The following GRAP2 variants were observed in gnomAD, a reference collection of about 807,000 sequenced individuals.
The protein encoded by GRAP2 is GRB2 related adaptor protein 2, also known as GRB2-related adapter protein 2.
GRAP2 carries 31 observed loss-of-function variants against 43.5 expected under a neutral mutation model. That is an observed-to-expected ratio of 0.71 (90% confidence interval 0.54 to 0.96). The LOEUF (loss-of-function observed/expected upper bound fraction) is 0.96. GRAP2 is among the 40% of genes least tolerant of loss of function. The pLI, the probability that GRAP2 is intolerant of heterozygous loss-of-function variation, is 0.00. For synonymous variants in GRAP2, 156 were observed against 164.8 expected (o/e 0.95, Z 0.41); for missense variants, 371 against 424.4 (o/e 0.87, Z 1.11).
chr22:39,939,508 G>A (rs1316717356), intron 1 of GRAP2, among the ~76,000 whole-genome samples: 1 of 150,374 alleles, frequency 6.7e-6, no homozygotes, highest in Non-Finnish European at 1.5e-5. Context: ...CTTGCAGTGA[G>A]TGGAGATCTT....
intron 2 of GRAP2, among the ~76,000 whole-genome samples, chr22:39,950,841 G>T (rs1355789726): frequency 1.3e-5 from 2 of 152,322 alleles, no homozygotes; most frequent in East Asian, 1.9e-4. Flanking sequence ...ACATGTGATT[G>T]CAATGTCTGC....
At chr22:39,966,347 C>T (rs903949964) in intron 5 of GRAP2, among the ~76,000 whole-genome samples, 189 bp downstream of exon 5, 1 of 152,226 alleles carries the variant, frequency 6.6e-6, no homozygotes. Context: ...TTCTCTGCGC[C>T]TCAGTTTCCT....
chr22:39,952,518 T>C (rs1191807771), intron 2 of GRAP2, among the ~76,000 whole-genome samples: 1 of 152,172 alleles, frequency 6.6e-6, no homozygotes, highest in Non-Finnish European at 1.5e-5. Context: ...TACGAGGCGC[T>C]GCTGCTGGGT....
chr22:39,964,017 A>G (rs1250534568), intron 4 of GRAP2: 2 of 184,994 alleles, frequency 1.1e-5, no homozygotes, highest in Non-Finnish European at 2.3e-5. Context: ...CTCTGACTCA[A>G]AAAGAAACCT....
At chr22:39,940,077 G>T (rs1481734858) in intron 1 of GRAP2, among the ~76,000 whole-genome samples, 1 of 152,136 alleles carries the variant, frequency 6.6e-6, no homozygotes, top group Non-Finnish European at 1.5e-5. Flanking sequence ...CCACAGAGCC[G>T]CATCTCCAGA....
In GRAP2 at chr22:39,940,779, C is replaced by T. The variant is rs577878263; in HGVS notation, c.-14-6314C>T. On this transcript the variant is annotated intron_variant, in intron 1 of 7. Transcript: ENST00000344138. Reference sequence around the variant, plus strand: ...GACAGTGTGTAGGAGAAGATGACCACGAATTCTTTGACATCTAAGCAATTC... The same window carrying T: ...GACAGTGTGTAGGAGAAGATGACCATGAATTCTTTGACATCTAAGCAATTC... Among the ~76,000 whole-genome samples the T allele has an allele frequency of 6.4e-4, 98 of 152,230 alleles. No homozygotes were observed. In the Middle Eastern group the frequency reaches 0.021, roughly 32 times the overall value.
Position 39,932,716 on chromosome 22 carries a change from C to CAA in GRAP2, c.-14-14361_-14-14360dup, listed in dbSNP as rs34623445. 5.4e-3 allele frequency among the ~76,000 whole-genome samples: 514 copies of CAA among 95,320 alleles called. 5 individuals carry two copies. Among genetic ancestry groups the CAA allele is most frequent in the African/African-American group, 0.016 (410 of 25,068 alleles). 62.5% of individuals were successfully genotyped at this position (95,320 alleles called of 152,430 possible). On this transcript the variant is annotated intron_variant, in intron 1 of 7. Coordinates refer to ENST00000344138, the MANE Select transcript of GRAP2 (RefSeq NM_004810.4). ...CTGGGCCACAGAATGATACCTGTCTCAAAAAAAAAAAAAAAAAGTAGCAAT... is the reference window on the plus strand; with the variant it reads ...CTGGGCCACAGAATGATACCTGTCTCAAAAAAAAAAAAAAAAAAAGTAGCAAT...
intron 2 of GRAP2, among the ~76,000 whole-genome samples, chr22:39,952,514 G>A (rs1366792155): frequency 1.3e-5 from 2 of 152,132 alleles, no homozygotes; most frequent in Non-Finnish European, 2.9e-5. Context: ...TGGCTACGAG[G>A]CGCTGCTGCT....
At position 39,901,272 on chromosome 22, in the gene GRAP2, G is replaced by T. The variant is rs769349788; in HGVS notation, c.-73G>T. 2 of 1,283,282 alleles carry T rather than the reference G, an allele frequency of 1.6e-6. No homozygotes were observed. Among genetic ancestry groups the T allele is most frequent in the South Asian group, 1.2e-5 (1 of 80,876 alleles). 79.5% of individuals were successfully genotyped at this position (1,283,282 alleles called of 1,614,324 possible). A position where few individuals can be genotyped will look rare whatever the true frequency, so the allele number is the denominator to read the frequency against. The stretch of plus-strand genomic sequence containing the variant: ...ATTTGTCTCCCTTCTTGCCAGAAAG[G>T]ATTCTAATAACTCGGTGTCAAAGCC... On this transcript the variant is annotated 5_prime_UTR_variant, in exon 1 of 8. Transcript: ENST00000344138.
intron 1 of GRAP2, among the ~76,000 whole-genome samples, chr22:39,946,108 G>A (rs527841827): frequency 9.8e-5 from 15 of 152,296 alleles, no homozygotes; most frequent in East Asian, 1.9e-4. Context: ...TGATCTGCCC[G>A]CCTCGACCTC....
intron 1 of GRAP2, among the ~76,000 whole-genome samples, chr22:39,933,057 A>G (rs1407569215): frequency 6.6e-6 from 1 of 152,216 alleles, no homozygotes; most frequent in East Asian, 1.9e-4. Context: ...AGAATAAGAG[A>G]AAGTGAGACC....
intron 1 of GRAP2, among the ~76,000 whole-genome samples, chr22:39,918,797 C>T (rs1004046050): frequency 4.6e-5 from 7 of 152,268 alleles, no homozygotes; most frequent in African/African-American, 1.7e-4. Flanking sequence ...AAACACCACT[C>T]AATTAACAAA....
chr22:39,908,183 G>A (rs2066535987), intron 1 of GRAP2, among the ~76,000 whole-genome samples: 1 of 152,240 alleles, frequency 6.6e-6, no homozygotes, highest in Admixed American at 6.5e-5. Flanking sequence ...GGAACAGAGG[G>A]AAATGACCTT....
chr22:39,911,378 C>T (rs1164479517), intron 1 of GRAP2, among the ~76,000 whole-genome samples: 3 of 151,744 alleles, frequency 2.0e-5, no homozygotes, highest in Non-Finnish European at 4.4e-5. Flanking sequence ...TCTCTTCCCT[C>T]CATCACCTCC....
intron 1 of GRAP2, among the ~76,000 whole-genome samples, chr22:39,929,962 A>G (rs536117593): frequency 5.6e-4 from 86 of 152,334 alleles, no homozygotes; most frequent in Admixed American, 4.4e-3. Flanking sequence ...AAGTACTTCA[A>G]TGTGGCTTGT....
intron 1 of GRAP2, among the ~76,000 whole-genome samples, chr22:39,924,388 A>T (rs1187178461): frequency 6.6e-6 from 1 of 152,168 alleles, no homozygotes; most frequent in Non-Finnish European, 1.5e-5. Flanking sequence ...CATGAGTTTT[A>T]CGCAGTAGGC....
At position 39,962,145 on chromosome 22, in the gene GRAP2, G is replaced by A. The variant is rs140343080; in HGVS notation, c.290+1971G>A. On this transcript the variant is annotated intron_variant, in intron 4 of 7. Coordinates refer to ENST00000344138, the MANE Select transcript of GRAP2 (RefSeq NM_004810.4). ...TTAACATATATTACAAGTCAGGGTC[G>A]GGCGCCGTGGCTCATGCCTCTAATC... Among the ~76,000 whole-genome samples, 673 of 152,288 alleles carry A rather than the reference G, an allele frequency of 4.4e-3. 6 individuals are homozygous for A. Among genetic ancestry groups the A allele is most frequent in the Middle Eastern group, 0.017 (5 of 294 alleles).
intron 4 of GRAP2, among the ~76,000 whole-genome samples, chr22:39,961,676 C>T (rs140076702): frequency 2.6e-5 from 4 of 152,278 alleles, no homozygotes; most frequent in African/African-American, 9.6e-5. Flanking sequence ...TCGCAAGTCA[C>T]GTATCAGACT....
At chr22:39,955,218 T>C (rs1020533629) in intron 2 of GRAP2, among the ~76,000 whole-genome samples, 1 of 151,872 alleles carries the variant, frequency 6.6e-6, no homozygotes, top group African/African-American at 2.4e-5. Context: ...ATTAGCCAGG[T>C]GTAGTGGCGC....
Sources: gnomAD v4.1 joint callset for allele counts (sites outside exome capture counted in the v4.1 genomes callset) on GRCh38, gnomAD v4.1.1 for gene constraint, MANE v1.5 for transcripts, NCBI Gene and HGNC (gene_info 2026-07-23, HGNC 2026-07-21) for gene names.